The following COL11A1 variants were observed in gnomAD, a reference collection of about 807,000 sequenced individuals.
COL11A1 encodes collagen type XI alpha 1 chain, also known as collagen alpha-1(XI) chain.
A neutral mutation model predicts 265.2 loss-of-function variants in COL11A1; 74 were observed. The ratio of observed to expected loss-of-function variants is 0.28; its 90% confidence interval spans 0.23 to 0.34. The LOEUF (loss-of-function observed/expected upper bound fraction) is 0.34. COL11A1 is among the 10% of genes least tolerant of loss of function. The pLI, the probability that COL11A1 is intolerant of heterozygous loss-of-function variation, is 1.00. For synonymous variants in COL11A1, 816 were observed against 727.6 expected, an observed-to-expected ratio of 1.12 and a Z score of -1.96; for missense variants, 2,165 against 2,263.6, an observed-to-expected ratio of 0.96 and a Z score of 0.88.
Position 103,105,670 on chromosome 1 carries a change from C to T in COL11A1, c.106+2403G>A, listed in dbSNP as rs551160243. On this transcript the variant is annotated intron_variant, in intron 1 of 66. Transcript: ENST00000370096. Reference sequence around the variant, plus strand: ...ATAGTATGATGCTGGGATATAATATCTTTATTTAGAAATTGGTATAAAATC... The same window carrying T: ...ATAGTATGATGCTGGGATATAATATTTTTATTTAGAAATTGGTATAAAATC... Among the ~76,000 whole-genome samples the T allele has an allele frequency of 2.0e-5, 3 of 152,186 alleles. No homozygotes were observed. In the South Asian group the frequency reaches 6.2e-4, roughly 32 times the overall value.
intron 43 of COL11A1, 48 bp from the exon 44 acceptor site, chr1:102,939,136 C>A: frequency 5.4e-6 from 8 of 1,478,172 alleles, no homozygotes; most frequent in Middle Eastern, 1.7e-4. Context: ...CATGCTATTG[C>A]ATTGTCTTAA....
intron 4 of COL11A1, among the ~76,000 whole-genome samples, chr1:103,049,930 C>A (rs1216457373): frequency 6.6e-6 from 1 of 152,208 alleles, no homozygotes; most frequent in Non-Finnish European, 1.5e-5. Context: ...TATTGGCCCC[C>A]ACTCTCTTCT....
At position 103,014,513 on chromosome 1, in the gene COL11A1, G is replaced by C. The variant is rs771139447; in HGVS notation, c.1570C>G (p.Arg524Gly). 1 of 1,613,424 alleles carries C rather than the reference G, an allele frequency of 6.2e-7. No homozygotes were observed. Among genetic ancestry groups the C allele is most frequent in the Non-Finnish European group, 8.5e-7 (1 of 1,179,546 alleles). Reference sequence around the variant, plus strand: ...AATGCAAGTTTATCCTGTCTTACCCGAGCCTGCTGAAGAATAGCTTGAGCC... The same window carrying C: ...AATGCAAGTTTATCCTGTCTTACCCCAGCCTGCTGAAGAATAGCTTGAGCC... ...AQAQAILQQA[R>G]IALRGPPGPM... The change falls in exon 13 of 67, where the codon CGG becomes GGG. Residue 524 changes from arginine to glycine, a missense_variant and splice_region_variant. By Grantham distance (125) the Arg-to-Gly change is moderately radical. Transcript: ENST00000370096.
intron 2 of COL11A1, among the ~76,000 whole-genome samples, chr1:103,080,850 C>A (rs1223915368): frequency 1.3e-5 from 2 of 151,828 alleles, no homozygotes; most frequent in Non-Finnish European, 2.9e-5. Context: ...GAGATACCTG[C>A]ACTCCTATGT....
intron 46 of COL11A1, among the ~76,000 whole-genome samples, chr1:102,929,400 G>A (rs894040802): frequency 1.3e-5 from 2 of 152,082 alleles, no homozygotes; most frequent in Middle Eastern, 6.8e-3. Context: ...ACAGATAGTT[G>A]TAGATATGCG....
chr1:103,039,004 G>C (rs1258274936), intron 4 of COL11A1, among the ~76,000 whole-genome samples: 1 of 152,152 alleles, frequency 6.6e-6, no homozygotes, highest in Non-Finnish European at 1.5e-5. Flanking sequence ...TGGTAGGATG[G>C]CAAAGCCATT....
intron 57 of COL11A1, among the ~76,000 whole-genome samples, chr1:102,890,944 GA>G (rs1029982369): frequency 3.3e-5 from 5 of 151,186 alleles, no homozygotes; most frequent in Admixed American, 6.6e-5. Flanking sequence ...ATAACCACAG[GA>G]AAAAAAATAG....
intron 4 of COL11A1, among the ~76,000 whole-genome samples, chr1:103,048,404 G>A (rs1178034107): frequency 6.6e-6 from 1 of 152,138 alleles, no homozygotes; most frequent in Non-Finnish European, 1.5e-5. Context: ...GGTGTTTATA[G>A]TATTTTCTGA....
At chr1:102,893,380 T>C (rs1356098168) in intron 57 of COL11A1, among the ~76,000 whole-genome samples, 2 of 152,144 alleles carry the variant, frequency 1.3e-5, no homozygotes, top group Non-Finnish European at 2.9e-5. Context: ...CATCTAAAGA[T>C]GAGTTTGCCA....
chr1:103,098,241 T>C (rs1355922302), intron 1 of COL11A1, among the ~76,000 whole-genome samples: 1 of 151,988 alleles, frequency 6.6e-6, no homozygotes, highest in African/African-American at 2.4e-5. Context: ...AACTCAGTTA[T>C]TGCAGAGCCA....
At position 102,952,877 on chromosome 1, in the gene COL11A1, T is replaced by C. The variant is rs115354254; in HGVS notation, c.3169-5921A>G. Among the ~76,000 whole-genome samples the C allele has an allele frequency of 6.9e-3, 1,052 of 152,294 alleles. 13 individuals carry two copies. Among genetic ancestry groups the C allele is most frequent in the African/African-American group, 0.024 (998 of 41,556 alleles). On this transcript the variant is annotated intron_variant, in intron 41 of 66. Coordinates refer to ENST00000370096, the MANE Select transcript of COL11A1 (RefSeq NM_001854.4). ...AATCCTTTAATCTCAACAGAATCAC[T>C]GGAGAAGTTATATTTTTTAAGCAAA...
At chr1:103,064,704 A>AG (rs1307884097) in intron 4 of COL11A1, among the ~76,000 whole-genome samples, 1 of 141,018 alleles carries the variant, frequency 7.1e-6, no homozygotes, top group Non-Finnish European at 1.5e-5. Flanking sequence ...AAAAAAGAAA[A>AG]AAAAAAAAAA....
intron 4 of COL11A1, among the ~76,000 whole-genome samples, chr1:103,034,967 T>G (rs1668252620): frequency 6.6e-6 from 1 of 152,072 alleles, no homozygotes; most frequent in Non-Finnish European, 1.5e-5. Flanking sequence ...AGGTCTCTGG[T>G]TAGGTTAATG....
At chr1:103,011,131 T>C (rs1460186169) in intron 14 of COL11A1, among the ~76,000 whole-genome samples, 1 of 152,308 alleles carries the variant, frequency 6.6e-6, no homozygotes, top group Non-Finnish European at 1.5e-5. Flanking sequence ...CAGTCTTAAG[T>C]TCAGAGTCCC....
At chr1:102,960,657 T>C (rs1332420620) in intron 41 of COL11A1, among the ~76,000 whole-genome samples, 1 of 152,066 alleles carries the variant, frequency 6.6e-6, no homozygotes. Flanking sequence ...CAGTATACTC[T>C]TCTCAAAATA....
chr1:103,081,376 G>T (rs1672399591), intron 2 of COL11A1, among the ~76,000 whole-genome samples: 1 of 151,842 alleles, frequency 6.6e-6, no homozygotes, highest in Non-Finnish European at 1.5e-5. Flanking sequence ...TTTAGGAAAT[G>T]CAGCAGAGTG....
At chr1:102,982,666 G>A (rs1248631917) in intron 31 of COL11A1, among the ~76,000 whole-genome samples, 1 of 151,978 alleles carries the variant, frequency 6.6e-6, no homozygotes, top group African/African-American at 2.4e-5. Flanking sequence ...TTTTAGAAGG[G>A]TTCAAAAGCA....
At chr1:103,037,899 A>T (rs1668499477) in intron 4 of COL11A1, among the ~76,000 whole-genome samples, 1 of 152,146 alleles carries the variant, frequency 6.6e-6, no homozygotes, top group African/African-American at 2.4e-5. Context: ...CATCTCCCTA[A>T]ATGCTAGAGT....
intron 15 of COL11A1, among the ~76,000 whole-genome samples, chr1:103,007,616 C>T (rs1216755565): frequency 2.0e-5 from 3 of 151,944 alleles, no homozygotes; most frequent in South Asian, 2.1e-4. Flanking sequence ...CTAGCACTTT[C>T]GGAGGCCCAG....
Sources: allele counts gnomAD v4.1 joint callset (sites outside exome capture counted in the v4.1 genomes callset), GRCh38; gene constraint gnomAD v4.1.1; transcripts MANE v1.5; gene names NCBI Gene and HGNC (gene_info 2026-07-23, HGNC 2026-07-21).